Variants in YTHDF2 observed in about 807,000 individuals in gnomAD.
YTHDF2 encodes YTH N6-methyladenosine RNA binding protein F2.
In YTHDF2, 2 loss-of-function variants were observed where a neutral mutation model predicts 50.4. The observed-to-expected ratio is 0.04, with a 90% CI of 0.02 to 0.12. The LOEUF (loss-of-function observed/expected upper bound fraction) is 0.12. Ranked by LOEUF, YTHDF2 falls within the 10% of genes least tolerant of loss-of-function variation. The pLI, the probability that YTHDF2 is intolerant of heterozygous loss-of-function variation, is 1.00. For missense variants in YTHDF2, 483 were observed against 722.6 expected (o/e 0.67, Z 3.80); for synonymous variants, 217 against 255.6 (o/e 0.85, Z 1.44).
intron 4 of YTHDF2, among the ~76,000 whole-genome samples, chr1:28,762,532 T>A (rs1349008170): frequency 3.3e-5 from 5 of 152,210 alleles, no homozygotes; most frequent in Non-Finnish European, 7.3e-5. Context: ...TATATAGATT[T>A]AATTTTGTGG....
intron 4 of YTHDF2, among the ~76,000 whole-genome samples, chr1:28,767,060 T>G (rs1160247286): frequency 2.6e-5 from 4 of 151,038 alleles, no homozygotes; most frequent in Admixed American, 2.6e-4. Context: ...CAGGCTGGTC[T>G]TGAACTCCTG....
At chr1:28,761,416 G>A (rs1000988374) in intron 4 of YTHDF2, among the ~76,000 whole-genome samples, 1 of 151,872 alleles carries the variant, frequency 6.6e-6, no homozygotes, top group African/African-American at 2.4e-5. Flanking sequence ...AGGATTCCAG[G>A]TGTGAGCCAC....
At chr1:28,744,907 G>C (rs183527166) in intron 4 of YTHDF2, among the ~76,000 whole-genome samples, 1 of 152,176 alleles carries the variant, frequency 6.6e-6, no homozygotes, top group East Asian at 1.9e-4. Context: ...GAGCTCAAGT[G>C]ATCTGCCCCT....
chr1:28,762,993 A>G (rs2088157937), intron 4 of YTHDF2, among the ~76,000 whole-genome samples: 1 of 150,640 alleles, frequency 6.6e-6, no homozygotes. Flanking sequence ...CGCTTGGCTA[A>G]TTTTTGTATT....
chr1:28,757,408 A>G (rs1260050265), intron 4 of YTHDF2, among the ~76,000 whole-genome samples: 1 of 148,434 alleles, frequency 6.7e-6, no homozygotes, highest in Non-Finnish European at 1.5e-5. Context: ...TAGAGTGGGA[A>G]GGGACAGGGG....
chr1:28,745,731 C>G (rs565193341), intron 4 of YTHDF2, among the ~76,000 whole-genome samples: 1 of 116,440 alleles, frequency 8.6e-6, no homozygotes, highest in African/African-American at 3.0e-5. Context: ...CCCGCCCCCC[C>G]CCCCCAAAAA....
intron 4 of YTHDF2, among the ~76,000 whole-genome samples, chr1:28,745,463 A>G (rs1295072046): frequency 6.6e-6 from 1 of 152,136 alleles, no homozygotes; most frequent in East Asian, 1.9e-4. Flanking sequence ...GCCTGGCGTC[A>G]TGGCTCACGC....
chr1:28,745,600 C>T (rs1258107458), intron 4 of YTHDF2, among the ~76,000 whole-genome samples: 1 of 152,008 alleles, frequency 6.6e-6, no homozygotes, highest in Non-Finnish European at 1.5e-5. Context: ...TGGCACATGC[C>T]TGTAATCTCA....
chr1:28,757,226 A>G (rs1252833096), intron 4 of YTHDF2, among the ~76,000 whole-genome samples: 1 of 152,262 alleles, frequency 6.6e-6, no homozygotes, highest in Non-Finnish European at 1.5e-5. Flanking sequence ...CATATATTAA[A>G]GTACTAATTG....
At chr1:28,760,296 TGTG>T (rs2088100518) in intron 4 of YTHDF2, among the ~76,000 whole-genome samples, 1 of 151,552 alleles carries the variant, frequency 6.6e-6, no homozygotes, top group African/African-American at 2.4e-5. Flanking sequence ...TGTGTGTGTG[TGTG>T]TGTGTGTGTG....
chr1:28,745,745 A>G (rs2087849653), intron 4 of YTHDF2, among the ~76,000 whole-genome samples: 1 of 122,418 alleles, frequency 8.2e-6, no homozygotes, highest in Non-Finnish European at 1.7e-5. Context: ...CCAAAAAAAA[A>G]CTAACATATT....
At chr1:28,737,734 TG>T in intron 2 of YTHDF2, 52 bp downstream of exon 2, 2 of 1,584,906 alleles carry the variant, frequency 1.3e-6, no homozygotes, top group African/African-American at 1.3e-5. Context: ...CGCGGGGCGG[TG>T]GGGGCGGGGT....
chr1:28,743,096 G>A lies in YTHDF2; in HGVS notation c.826G>A (p.Gly276Arg). 6.2e-7 allele frequency: 1 copy of A among 1,614,188 alleles called. No homozygotes were observed. The highest frequency in any genetic ancestry group is 8.5e-7 in the Non-Finnish European group (1 of 1,180,036). The change falls in exon 4 of 5, where the codon GGA becomes AGA. Residue 276 changes from glycine to arginine, a missense_variant. Physicochemically the swap from Gly to Arg is moderately radical, Grantham distance 125. Coordinates refer to ENST00000373812, the MANE Select transcript of YTHDF2 (RefSeq NM_016258.3). The surrounding 1 kb of genome is among the most constrained non-coding windows in gnomAD (Gnocchi z 6.9). ...PPPIKHNMDI[G>R]TWDNKGPVAK... ...CCCGATAAAGCATAACATGGATATT[G>A]GAACTTGGGATAACAAGGGTCCCGT... is the stretch of plus-strand genomic sequence containing the variant.
chr1:28,737,626 TTGC>T (rs1473761782), intron 1 of YTHDF2, 29 bp from the exon 2 acceptor site: 10 of 1,613,776 alleles, frequency 6.2e-6, no homozygotes, highest in Non-Finnish European at 8.5e-6. Flanking sequence ...TTTGGACAAC[TTGC>T]TGCTCGGCGA....
chr1:28,757,839 A>G (rs527823862), intron 4 of YTHDF2, among the ~76,000 whole-genome samples: 1 of 152,248 alleles, frequency 6.6e-6, no homozygotes, highest in South Asian at 2.1e-4. Context: ...CATCTTGTAT[A>G]TAGTGTTCAT....
intron 4 of YTHDF2, among the ~76,000 whole-genome samples, chr1:28,750,637 A>T (rs2087936736): frequency 6.6e-6 from 1 of 152,218 alleles, no homozygotes; most frequent in Non-Finnish European, 1.5e-5. Context: ...ACGTAAAATA[A>T]GTAAGAACGG....
At chr1:28,767,091 C>T (rs2088230779) in intron 4 of YTHDF2, among the ~76,000 whole-genome samples, 1 of 151,134 alleles carries the variant, frequency 6.6e-6, no homozygotes, top group African/African-American at 2.4e-5. Context: ...GTCTTATCTG[C>T]CTTGGCCTCC....
intron 2 of YTHDF2, chr1:28,737,967 T>C (rs1038431590): frequency 1.7e-6 from 1 of 573,038 alleles, no homozygotes; most frequent in Non-Finnish European, 3.1e-6. Context: ...TTCATCCTCG[T>C]GGATCACTCT....
At chr1:28,756,507 G>T (rs1397917514) in intron 4 of YTHDF2, among the ~76,000 whole-genome samples, 1 of 152,096 alleles carries the variant, frequency 6.6e-6, no homozygotes, top group Non-Finnish European at 1.5e-5. Flanking sequence ...CCTCATGAAT[G>T]ATTTTTACAT....
Sources: allele counts gnomAD v4.1 joint callset (sites outside exome capture counted in the v4.1 genomes callset), GRCh38; gene constraint gnomAD v4.1.1; non-coding constraint Gnocchi (gnomAD v3.1); transcripts MANE v1.5; gene names NCBI Gene and HGNC (gene_info 2026-07-23, HGNC 2026-07-21).